The following NAALADL2 variants were observed in gnomAD, a reference collection of about 807,000 sequenced individuals.
NAALADL2 encodes the protein inactive N-acetylated-alpha-linked acidic dipeptidase-like protein 2.
NAALADL2 carries 76 observed loss-of-function variants against 87.2 expected under a neutral mutation model. The ratio of observed to expected loss-of-function variants is 0.87; its 90% CI spans 0.72 to 1.05. The LOEUF is 1.05. Ranked by LOEUF, NAALADL2 falls within the 50% of genes least tolerant of loss-of-function variation. The pLI is 0.00. For missense variants in NAALADL2, 1,089 were observed against 945.8 expected, an observed-to-expected ratio of 1.15 and a Z score of -1.99; for synonymous variants, 354 against 331.0, an observed-to-expected ratio of 1.07 and a Z score of -0.75.
intron 13 of NAALADL2, among the ~76,000 whole-genome samples, chr3:175,769,821 T>C (rs1749244206): frequency 6.6e-6 from 1 of 152,112 alleles, no homozygotes; most frequent in East Asian, 1.9e-4. Context: ...AAGTCTGAAA[T>C]CTGTGGACAA....
At chr3:174,776,930 C>T (rs1367251735) in intron 3 of NAALADL2, among the ~76,000 whole-genome samples, 2 of 152,082 alleles carry the variant, frequency 1.3e-5, no homozygotes, top group African/African-American at 4.8e-5. Context: ...TTTAAAAATT[C>T]TTCCCTTAAA....
At chr3:175,326,530 G>A (rs952101027) in intron 5 of NAALADL2, among the ~76,000 whole-genome samples, 2 of 152,130 alleles carry the variant, frequency 1.3e-5, no homozygotes, top group African/African-American at 2.4e-5. Context: ...AGCAAGAACC[G>A]CACTTCTGGT....
chr3:175,132,247 C>A (rs1460528470), intron 2 of NAALADL2, among the ~76,000 whole-genome samples: 38 of 28,704 alleles, frequency 1.3e-3, no homozygotes, highest in Non-Finnish European at 1.5e-3. Flanking sequence ...GACGGGGCGG[C>A]TGGCCGGGCG....
At chr3:174,620,399 A>G (rs1720886579) in intron 2 of NAALADL2, among the ~76,000 whole-genome samples, 1 of 152,036 alleles carries the variant, frequency 6.6e-6, no homozygotes, top group Non-Finnish European at 1.5e-5. Context: ...CCTACTGGAT[A>G]TTACATGAAC....
chr3:175,148,784 TG>T (rs1456739081), intron 2 of NAALADL2, among the ~76,000 whole-genome samples: 1 of 152,134 alleles, frequency 6.6e-6, no homozygotes, highest in Non-Finnish European at 1.5e-5. Context: ...GTTCTGTATT[TG>T]GTTCCATTGG....
intron 4 of NAALADL2, among the ~76,000 whole-genome samples, chr3:175,292,621 C>CACAA (rs759687998): frequency 0.024 from 3,680 of 151,770 alleles, 144 homozygotes; most frequent in African/African-American, 0.081. Flanking sequence ...CACACACACA[C>CACAA]ACCTGAGGGG....
intron 12 of NAALADL2, among the ~76,000 whole-genome samples, chr3:175,752,263 C>G (rs1272433331): frequency 6.6e-6 from 1 of 151,950 alleles, no homozygotes; most frequent in Non-Finnish European, 1.5e-5. Context: ...AATATTGCAG[C>G]TGCTATGATA....
At chr3:174,870,317 C>T (rs768289249) in intron 1 of NAALADL2, among the ~76,000 whole-genome samples, 66 of 152,038 alleles carry the variant, frequency 4.3e-4, no homozygotes, top group Non-Finnish European at 8.5e-4. Flanking sequence ...AATGGAACAC[C>T]CATGCTCCAC....
At chr3:175,791,345 G>A (rs1329260591) in intron 13 of NAALADL2, among the ~76,000 whole-genome samples, 1 of 152,134 alleles carries the variant, frequency 6.6e-6, no homozygotes, top group Non-Finnish European at 1.5e-5. Flanking sequence ...AGCTTAGCTG[G>A]AAGCAGGGCA....
At chr3:175,119,787 G>A (rs1047659030) in intron 2 of NAALADL2, among the ~76,000 whole-genome samples, 7 of 126,722 alleles carry the variant, frequency 5.5e-5, no homozygotes, top group Admixed American at 1.7e-4. Flanking sequence ...ATATATAAAA[G>A]TATATATATA....
intron 1 of NAALADL2, among the ~76,000 whole-genome samples, chr3:174,977,288 C>G (rs1051575215): frequency 6.6e-6 from 1 of 152,198 alleles, no homozygotes; most frequent in East Asian, 1.9e-4. Context: ...CCACGCCCAG[C>G]TAATTTTTGT....
intron 1 of NAALADL2, among the ~76,000 whole-genome samples, chr3:175,087,981 T>C (rs1719371129): frequency 6.6e-6 from 1 of 152,120 alleles, no homozygotes; most frequent in African/African-American, 2.4e-5. Context: ...TTCTTAGTAA[T>C]GAATGAACTT....
At chr3:174,610,622 T>C (rs1206918686) in intron 2 of NAALADL2, among the ~76,000 whole-genome samples, 1 of 151,976 alleles carries the variant, frequency 6.6e-6, no homozygotes, top group South Asian at 2.1e-4. Flanking sequence ...TGAGATACCA[T>C]CTCACACCAG....
At position 175,365,529 on chromosome 3, in the gene NAALADL2, T is replaced by G. The variant is rs1199899236; in HGVS notation, c.1090+41204T>G. 3.4e-5 allele frequency among the ~76,000 whole-genome samples: 5 copies of G among 147,728 alleles called. 1 individual carries two copies. The highest frequency in any genetic ancestry group is 7.5e-5 in the Non-Finnish European group (5 of 66,546). ...CAAAGGTTAAATCATTATGACCCAT[T>G]GTATACTTTGATAAATTTATGTAAA... On this transcript the variant is annotated intron_variant, in intron 5 of 13. Coordinates refer to ENST00000454872, the MANE Select transcript of NAALADL2 (RefSeq NM_207015.3).
At chr3:175,651,569 A>C (rs1730772065) in intron 11 of NAALADL2, among the ~76,000 whole-genome samples, 1 of 152,200 alleles carries the variant, frequency 6.6e-6, no homozygotes. Context: ...TTATAGGAAC[A>C]ACATAACAGA....
intron 11 of NAALADL2, among the ~76,000 whole-genome samples, chr3:175,653,695 T>G (rs1731082750): frequency 6.6e-6 from 1 of 152,222 alleles, no homozygotes; most frequent in East Asian, 1.9e-4. Flanking sequence ...TCAGGCTTGA[T>G]GGCTTTCATG....
At position 175,742,393 on chromosome 3, in the gene NAALADL2, TTTTG is replaced by T. The variant is rs761680199; in HGVS notation, c.1990+5010_1990+5013del. Among the ~76,000 whole-genome samples the T allele has an allele frequency of 9.2e-5, 14 of 152,062 alleles. 1 individual carries two copies. Among genetic ancestry groups the T allele is most frequent in the South Asian group, 6.2e-4 (3 of 4,824 alleles). ...TAATGTAAGTTTTTTTGTTTGTTTG[TTTTG>T]TTTGTTTGTTTGTTTTCTGAGACGG... On this transcript the variant is annotated intron_variant, in intron 12 of 13. Coordinates refer to ENST00000454872, the MANE Select transcript of NAALADL2 (RefSeq NM_207015.3).
chr3:175,440,571 T>C (rs1351153494), intron 5 of NAALADL2, among the ~76,000 whole-genome samples: 2 of 152,174 alleles, frequency 1.3e-5, no homozygotes, highest in Admixed American at 1.3e-4. Flanking sequence ...CAGTAGTGTT[T>C]TGTAGATTTT....
chr3:175,137,143 T>C (rs1295667729), intron 2 of NAALADL2, among the ~76,000 whole-genome samples: 1 of 152,112 alleles, frequency 6.6e-6, no homozygotes, highest in East Asian at 1.9e-4. Flanking sequence ...AAGAAAAATA[T>C]TTCTCATTAC....
Sources: gnomAD v4.1 joint callset for allele counts (sites outside exome capture counted in the v4.1 genomes callset) on GRCh38, gnomAD v4.1.1 for gene constraint, MANE v1.5 for transcripts, NCBI Gene and HGNC (gene_info 2026-07-23, HGNC 2026-07-21) for gene names.